Variants in CSMD3 observed in about 807,000 individuals in gnomAD.
The protein encoded by CSMD3 is CUB and sushi domain-containing protein 3.
A neutral mutation model predicts 435.2 loss-of-function variants in CSMD3; 177 were observed. That is an observed-to-expected ratio of 0.41 (90% confidence interval 0.36 to 0.46). The LOEUF is 0.46. Among genes scored for constraint, CSMD3 ranks in the 20% least tolerant of loss-of-function variants. CSMD3 has a pLI of 0.34. For missense variants in CSMD3, 4,265 were observed against 4,504.6 expected (o/e 0.95, Z 1.52); for synonymous variants, 1,656 against 1,520.5 (o/e 1.09, Z -2.07).
chr8:112,385,941 C>T (rs993924561), intron 36 of CSMD3, among the ~76,000 whole-genome samples: 13 of 151,916 alleles, frequency 8.6e-5, no homozygotes, highest in African/African-American at 3.1e-4. Flanking sequence ...TAAATACTAC[C>T]GTATATGGAA....
Position 112,408,333 on chromosome 8 carries a change from G to T in CSMD3, c.5590C>A (p.His1864Asn). ...SVGPITAKGF[H>N]FVYQAVPRTS... ...GGTCACTTACCTTGGTAAACAAAGT[G>T]AAATCCCTTAGCTGTTATTGGTCCA... Residue 1864 changes from histidine to asparagine, a missense_variant, in exon 34 of 71, where the codon CAC becomes AAC. Around this residue, in one of 3 missense-constraint regions of CSMD3, gnomAD observed 3,255 missense variants for 3,380.2 expected, o/e 0.96. Coordinates refer to ENST00000297405, the MANE Select transcript of CSMD3 (RefSeq NM_198123.2). 1.2e-6 allele frequency: 2 copies of T among 1,604,340 alleles called. No individual in the cohort carries two copies. The highest frequency in any genetic ancestry group is 1.7e-6 in the Non-Finnish European group (2 of 1,171,588).
intron 11 of CSMD3, among the ~76,000 whole-genome samples, chr8:112,844,076 C>G (rs1171560101): frequency 6.6e-6 from 1 of 151,700 alleles, no homozygotes; most frequent in African/African-American, 2.4e-5. Context: ...CCTATACAAT[C>G]TATACAATAA....
chr8:112,760,419 A>G (rs1263401541), intron 13 of CSMD3, among the ~76,000 whole-genome samples: 1 of 152,184 alleles, frequency 6.6e-6, no homozygotes. Context: ...GAAATGTGTC[A>G]GTTGTCACAT....
rs371670049 is a variant in CSMD3, at chr8:112,985,809, C to G, written c.1031-9661G>C. On this transcript the variant is annotated intron_variant, in intron 6 of 70. Coordinates refer to ENST00000297405, the MANE Select transcript of CSMD3 (RefSeq NM_198123.2). ...CTGATGATCTGTCAGTGTCTACCAT[C>G]ACCCCCAGATGGGACCACCTCATTG... 7.2e-5 allele frequency among the ~76,000 whole-genome samples: 11 copies of G among 152,178 alleles called. No homozygotes were observed. The East Asian group carries it at 1.9e-3, about 27-fold the overall frequency.
chr8:112,762,167 T>TA (rs1193342228), intron 13 of CSMD3, among the ~76,000 whole-genome samples: 13 of 151,982 alleles, frequency 8.6e-5, no homozygotes, highest in African/African-American at 3.1e-4. Context: ...ATGTGAAGTC[T>TA]TTAACTAAAA....
At chr8:113,172,725 TGACA>T (rs2092287856) in intron 4 of CSMD3, among the ~76,000 whole-genome samples, 1 of 152,140 alleles carries the variant, frequency 6.6e-6, no homozygotes, top group African/African-American at 2.4e-5. Context: ...GTATTTGCAG[TGACA>T]TGTTTGGGAG....
intron 13 of CSMD3, among the ~76,000 whole-genome samples, chr8:112,790,582 G>A (rs2078662508): frequency 6.6e-6 from 1 of 151,946 alleles, no homozygotes; most frequent in Non-Finnish European, 1.5e-5. Flanking sequence ...TCAGCCCTTT[G>A]TTTGGTGCTT....
At chr8:112,719,038 T>A (rs1301469750) in intron 13 of CSMD3, among the ~76,000 whole-genome samples, 4 of 152,136 alleles carry the variant, frequency 2.6e-5, no homozygotes, top group African/African-American at 9.7e-5. Flanking sequence ...TATTCTGATA[T>A]AAGAACAAAT....
chr8:112,392,333 AAAG>A (rs1830489884), intron 35 of CSMD3, among the ~76,000 whole-genome samples: 1 of 151,648 alleles, frequency 6.6e-6, no homozygotes, highest in Non-Finnish European at 1.5e-5. Context: ...AAAAAAAAAA[AAAG>A]ATGTTGCAAA....
intron 9 of CSMD3, among the ~76,000 whole-genome samples, chr8:112,924,031 GA>G (rs78520809): frequency 0.36 from 55,462 of 151,956 alleles, 10,259 homozygotes; most frequent in East Asian, 0.41. Flanking sequence ...AAAATAAAGA[GA>G]GGGGTATGTG....
At chr8:112,442,044 G>A (rs544681102) in intron 32 of CSMD3, among the ~76,000 whole-genome samples, 1 of 152,238 alleles carries the variant, frequency 6.6e-6, no homozygotes, top group Admixed American at 6.5e-5. Context: ...AGTTTATTTG[G>A]CTCATGGATC....
At chr8:112,265,379 A>T (rs1029731046) in intron 60 of CSMD3, 32 bp downstream of exon 60, 1 of 1,535,300 alleles carries the variant, frequency 6.5e-7, no homozygotes, top group Non-Finnish European at 9.0e-7. Flanking sequence ...ACTGGTTACC[A>T]TTTTTAAATG....
chr8:113,328,174 C>T (rs1165874696), intron 1 of CSMD3, among the ~76,000 whole-genome samples: 2 of 152,018 alleles, frequency 1.3e-5, no homozygotes, highest in Non-Finnish European at 2.9e-5. Context: ...CGCGGTGGCT[C>T]ACGCCTGTAA....
At chr8:112,410,111 A>C (rs1832198570) in intron 32 of CSMD3, among the ~76,000 whole-genome samples, 1 of 151,886 alleles carries the variant, frequency 6.6e-6, no homozygotes, top group African/African-American at 2.4e-5. Flanking sequence ...AGGCTAATTC[A>C]CTTGAAACAT....
At chr8:113,250,311 T>C (rs747183652) in intron 3 of CSMD3, among the ~76,000 whole-genome samples, 8 of 152,038 alleles carry the variant, frequency 5.3e-5, no homozygotes, top group Non-Finnish European at 8.8e-5. Context: ...TTTAGTCCAT[T>C]AAAAACAAAG....
At chr8:112,904,309 A>G (rs988625733) in intron 10 of CSMD3, among the ~76,000 whole-genome samples, 1 of 151,522 alleles carries the variant, frequency 6.6e-6, no homozygotes, top group African/African-American at 2.4e-5. Flanking sequence ...ATAATGTTAG[A>G]TAATACATTT....
chr8:112,783,015 TG>T (rs1309185074), intron 13 of CSMD3, among the ~76,000 whole-genome samples: 1 of 152,038 alleles, frequency 6.6e-6, no homozygotes, highest in Admixed American at 6.6e-5. Flanking sequence ...AGACATTCAC[TG>T]GTAATAGTAA....
intron 59 of CSMD3, among the ~76,000 whole-genome samples, chr8:112,271,373 A>T (rs1202475521): frequency 6.6e-6 from 1 of 152,188 alleles, no homozygotes; most frequent in Non-Finnish European, 1.5e-5. Context: ...GAAATTAAAA[A>T]TTTTTTAGAG....
At chr8:112,343,301 C>G (rs914456166) in intron 41 of CSMD3, among the ~76,000 whole-genome samples, 1 of 151,904 alleles carries the variant, frequency 6.6e-6, no homozygotes, top group Non-Finnish European at 1.5e-5. Context: ...TAGTGAAAGA[C>G]GTGGAAGAGC....
Sources: gnomAD v4.1 joint callset for allele counts (sites outside exome capture counted in the v4.1 genomes callset) on GRCh38, gnomAD v4.1.1 for gene constraint, gnomAD v4.1.1 regional missense constraint, MANE v1.5 for transcripts, NCBI Gene and HGNC (gene_info 2026-07-23, HGNC 2026-07-21) for gene names.